SYT14: variants seen among roughly 807,000 people sequenced by gnomAD.
SYT14 encodes the protein synaptotagmin-14.
SYT14 carries 32 observed loss-of-function variants against 74.2 expected under a neutral mutation model. That is an observed-to-expected ratio of 0.43 (90% confidence interval 0.33 to 0.58). SYT14 has a LOEUF of 0.58. SYT14 is among the 20% of genes least tolerant of loss of function. The pLI, the probability that SYT14 is intolerant of heterozygous loss-of-function variation, is 0.05. For missense variants in SYT14, 791 were observed against 981.8 expected (o/e 0.81, Z 2.60); for synonymous variants, 298 against 337.7 (o/e 0.88, Z 1.29).
intron 5 of SYT14, among the ~76,000 whole-genome samples, chr1:210,047,955 G>A (rs1572211041): frequency 1.3e-5 from 2 of 152,136 alleles, no homozygotes; most frequent in Non-Finnish European, 2.9e-5. Flanking sequence ...GATATTATTG[G>A]TGCTACTAAC....
At chr1:210,090,069 G>A (rs2081833661) in intron 5 of SYT14, among the ~76,000 whole-genome samples, 1 of 152,170 alleles carries the variant, frequency 6.6e-6, no homozygotes, top group South Asian at 2.1e-4. Context: ...ATGAAGACTT[G>A]GCTGGTCACC....
intron 6 of SYT14, among the ~76,000 whole-genome samples, chr1:210,097,457 T>A (rs1308181909): frequency 6.6e-6 from 1 of 152,174 alleles, no homozygotes; most frequent in South Asian, 2.1e-4. Flanking sequence ...TAATGTCTTT[T>A]ATCTGTCAGT....
At chr1:210,006,499 T>C (rs1266918716) in intron 2 of SYT14, among the ~76,000 whole-genome samples, 2 of 151,946 alleles carry the variant, frequency 1.3e-5, no homozygotes, top group Non-Finnish European at 2.9e-5. Context: ...GTATATCTTT[T>C]TCAATGAAAG....
chr1:210,146,718 A>T (rs1186545517), intron 7 of SYT14, among the ~76,000 whole-genome samples: 1 of 151,406 alleles, frequency 6.6e-6, no homozygotes. Flanking sequence ...TGTATATATG[A>T]TGTACATACG....
At chr1:210,146,341 A>T (rs905251885) in intron 7 of SYT14, among the ~76,000 whole-genome samples, 1 of 150,862 alleles carries the variant, frequency 6.6e-6, no homozygotes, top group African/African-American at 2.4e-5. Context: ...TCAAAAAAAA[A>T]GAAAAAACAG....
rs1331754592 is a variant in SYT14, at chr1:210,013,806, C to A, written c.-321+9C>A. ...TTCACAAGATAAAATTTGTAAGTAT[C>A]GTATTGCTGCTTCTCTTGTTTGTTC... On this transcript the variant is annotated intron_variant, in intron 3 of 9. Transcript: ENST00000637265. The A allele has an allele frequency of 5.0e-6, 8 of 1,609,036 alleles. 1 individual carries two copies. Among genetic ancestry groups the A allele is most frequent in the Non-Finnish European group, 6.8e-6 (8 of 1,178,220 alleles).
chr1:210,043,032 G>T (rs1210096993), intron 5 of SYT14, among the ~76,000 whole-genome samples: 1 of 152,136 alleles, frequency 6.6e-6, no homozygotes, highest in African/African-American at 2.4e-5. Context: ...ATTTCCTTGA[G>T]TAGTGGTTTG....
Position 210,075,589 on chromosome 1 carries a change from T to C in SYT14, c.1313-18733T>C, listed in dbSNP as rs373613100. On this transcript the variant is annotated intron_variant, in intron 5 of 9. Coordinates refer to ENST00000637265, the Ensembl canonical transcript of SYT14. ...ACCTCGTGATCCGCCTGCCTCGGCC[T>C]CCCAAAGTGCTGGAATTACAGGCAT... Among the ~76,000 whole-genome samples the C allele has an allele frequency of 7.9e-3, 1,198 of 152,210 alleles. 19 individuals are homozygous for C. Among genetic ancestry groups the C allele is most frequent in the African/African-American group, 0.028 (1,143 of 41,544 alleles).
intron 5 of SYT14, among the ~76,000 whole-genome samples, chr1:210,064,668 A>T (rs1204948447): frequency 1.3e-5 from 2 of 152,114 alleles, no homozygotes; most frequent in African/African-American, 4.8e-5. Context: ...TCATCCTCTG[A>T]TGGATTCTTG....
chr1:209,953,346 C>T, intron 2 of SYT14: 1 of 824,230 alleles, frequency 1.2e-6, no homozygotes, highest in Non-Finnish European at 1.7e-6. Context: ...CCCCACAACT[C>T]CTTATAAGTA....
chr1:210,012,350 GT>G (rs1289715860), intron 2 of SYT14, among the ~76,000 whole-genome samples: 4 of 152,186 alleles, frequency 2.6e-5, no homozygotes, highest in Admixed American at 6.5e-5. Context: ...CACAGGAACT[GT>G]TTATATAACA....
intron 5 of SYT14, among the ~76,000 whole-genome samples, chr1:210,059,972 A>T (rs974135901): frequency 1.3e-5 from 2 of 152,192 alleles, no homozygotes; most frequent in African/African-American, 4.8e-5. Context: ...AAATTGAAGG[A>T]TATGGGTGCC....
intron 7 of SYT14, among the ~76,000 whole-genome samples, chr1:210,141,472 G>A (rs1037551038): frequency 1.3e-4 from 20 of 152,294 alleles, no homozygotes; most frequent in African/African-American, 4.8e-4. Context: ...AGGAGATCAT[G>A]TCATCTGTGA....
At chr1:210,100,175 C>G (rs1257675498) in exon 7 of SYT14, 26 of 1,614,064 alleles carry the variant, frequency 1.6e-5, no homozygotes, top group Non-Finnish European at 2.0e-5. Flanking sequence ...TATAACAGGA[C>G]AGGTGGCAAC....
At chr1:210,038,637 C>T (rs549042254) in intron 5 of SYT14, among the ~76,000 whole-genome samples, 1 of 152,204 alleles carries the variant, frequency 6.6e-6, no homozygotes, top group African/African-American at 2.4e-5. Flanking sequence ...TCCGTTAGCA[C>T]TTTCCTGTTT....
chr1:210,094,295 A>C lies in SYT14; in HGVS notation c.1313-27A>C, dbSNP rs1002779198. The C allele has an allele frequency of 3.1e-6, 5 of 1,613,692 alleles. No individual in the cohort carries two copies. In the Admixed American group the frequency reaches 8.3e-5, roughly 27 times the overall value. On this transcript the variant is annotated intron_variant, in intron 5 of 9. Transcript: ENST00000637265. ...CTGTGTGTTGAGGCTAATTGGAAAC[A>C]GTGACCAGATTCTTAATCATTATCA...
intron 5 of SYT14, among the ~76,000 whole-genome samples, chr1:210,047,580 G>A (rs563372616): frequency 1.5e-4 from 23 of 152,172 alleles, no homozygotes; most frequent in Admixed American, 1.5e-3. Flanking sequence ...TGTATCTTTA[G>A]TGGAGATGGA....
chr1:210,096,362 T>G (rs779513194), intron 6 of SYT14, among the ~76,000 whole-genome samples: 7 of 152,224 alleles, frequency 4.6e-5, no homozygotes, highest in Non-Finnish European at 8.8e-5. Context: ...CTCAAATTAT[T>G]GTGTGTGCAT....
intron 3 of SYT14, 90 bp downstream of exon 3, chr1:210,013,887 G>A (rs2080135212): frequency 7.7e-7 from 1 of 1,302,162 alleles, no homozygotes; most frequent in Non-Finnish European, 1.1e-6. Flanking sequence ...AAGGTTGGTT[G>A]TGACATACAA....
Sources: allele counts gnomAD v4.1 joint callset (sites outside exome capture counted in the v4.1 genomes callset), GRCh38; gene constraint gnomAD v4.1.1; transcripts MANE v1.5; gene names NCBI Gene and HGNC (gene_info 2026-07-23, HGNC 2026-07-21).